Variants in INSC observed in about 807,000 individuals in gnomAD.
The protein encoded by INSC is INSC spindle orientation adaptor protein.
In INSC, 67 loss-of-function variants were observed where a neutral mutation model predicts 58.6. That is an observed-to-expected ratio of 1.14 (90% CI 0.94 to 1.40). INSC has a LOEUF of 1.40. Ranked by LOEUF, INSC falls within the 40% of genes most tolerant of loss-of-function variation. The pLI, the probability that INSC is intolerant of heterozygous loss-of-function variation, is 0.00. For missense variants in INSC, 714 were observed against 692.0 expected, an observed-to-expected ratio of 1.03 and a Z score of -0.36; for synonymous variants, 262 against 276.1, an observed-to-expected ratio of 0.95 and a Z score of 0.51.
rs397971818 is a variant in INSC at position 15,247,039 on chromosome 11, TTA to T, written c.*1000_*1001del. On this transcript the variant is annotated 3_prime_UTR_variant, in exon 13 of 13. Transcript: ENST00000379556. ...AGCACAGCTTTCGCTTTTTTTTTTT[TTA>T]GAGAGAGCTGGTTTACCAATTTCAC... 5.0e-3 allele frequency: 759 copies of T among 152,098 alleles called. 8 individuals are homozygous for T. The highest frequency in any genetic ancestry group is 0.016 in the African/African-American group (671 of 41,460). The allele number at this position is 152,098 out of a possible 1,614,324, so 9.4% of individuals were successfully genotyped here. A position where few individuals can be genotyped will look rare whatever the true frequency, so the allele number is the denominator to read the frequency against.
Position 15,239,025 on chromosome 11 carries a change from T to G in INSC, c.1344T>G (p.Ala448=). 1 of 1,614,154 alleles carries G rather than the reference T, an allele frequency of 6.2e-7. No homozygotes were observed. The highest frequency in any genetic ancestry group is 8.5e-7 in the Non-Finnish European group (1 of 1,180,024). The part of the protein sequence containing the change: ...RVQQKAAVTL[A]RLSRDPDVAR... ...AGCAGAAAGCTGCAGTGACCCTGGC[T>G]CGTCTCAGCCGAGACCCAGATGTGG... Residue 448 remains alanine (A), a synonymous_variant, in exon 11 of 13, where the codon GCT becomes GCG. Coordinates refer to ENST00000379556, the MANE Select transcript of INSC (RefSeq NM_001042536.3).
intron 2 of INSC, among the ~76,000 whole-genome samples, chr11:15,162,245 T>C (rs2133787643): frequency 6.6e-6 from 1 of 152,230 alleles, no homozygotes; most frequent in East Asian, 1.9e-4. Flanking sequence ...TTCTATGAGC[T>C]CCCCTCCTAC....
At chr11:15,119,303 C>T (rs528579830) in intron 1 of INSC, among the ~76,000 whole-genome samples, 3 of 152,288 alleles carry the variant, frequency 2.0e-5, no homozygotes, top group South Asian at 4.2e-4. Flanking sequence ...TTCAACCCCC[C>T]ACCAACATGC....
At chr11:15,148,224 C>A (rs969250896) in intron 1 of INSC, among the ~76,000 whole-genome samples, 2 of 152,136 alleles carry the variant, frequency 1.3e-5, no homozygotes, top group African/African-American at 4.8e-5. Flanking sequence ...AGAATAAAAA[C>A]CCTCACTCAG....
intron 6 of INSC, among the ~76,000 whole-genome samples, chr11:15,192,759 A>T (rs960031994): frequency 6.6e-6 from 1 of 152,170 alleles, no homozygotes; most frequent in African/African-American, 2.4e-5. Flanking sequence ...TATTTTAAAT[A>T]ACCTCCCTTA....
At chr11:15,138,460 G>C (rs1848297061) in intron 1 of INSC, among the ~76,000 whole-genome samples, 3 of 152,220 alleles carry the variant, frequency 2.0e-5, no homozygotes, top group Admixed American at 2.0e-4. Context: ...CTGGGGATTA[G>C]GTTTCAACCT....
chr11:15,116,853 C>A (rs866575157), intron 1 of INSC, among the ~76,000 whole-genome samples: 9 of 40,510 alleles, frequency 2.2e-4, no homozygotes, highest in Non-Finnish European at 3.3e-4. Context: ...TTCTTTCTCT[C>A]TCTCTCTCTC....
chr11:15,268,477 C>T, the INSC span, among the ~76,000 whole-genome samples: 1 of 152,040 alleles, frequency 6.6e-6, no homozygotes, highest in South Asian at 2.1e-4. Flanking sequence ...GGATCATTAA[C>T]TGTTTTCATG....
Position 15,133,484 on chromosome 11 carries a change from C to T in INSC, c.-45-15646C>T, listed in dbSNP as rs145751082. Among the ~76,000 whole-genome samples, 712 of 152,344 alleles carry T rather than the reference C, an allele frequency of 4.7e-3. 6 individuals carry two copies. The highest frequency in any genetic ancestry group is 0.021 in the South Asian group (103 of 4,828). ...ATGTAAATTCAGGCCACAAGCCTAT[C>T]TGAGGCCCATATTGTGGTCATTAAT... On this transcript the variant is annotated intron_variant, in intron 1 of 12. Coordinates refer to ENST00000379556, the MANE Select transcript of INSC (RefSeq NM_001042536.3).
intron 2 of INSC, among the ~76,000 whole-genome samples, chr11:15,173,634 A>C (rs1849476990): frequency 1.3e-5 from 2 of 152,154 alleles, no homozygotes; most frequent in Admixed American, 1.3e-4. Flanking sequence ...ATGTGTTCAC[A>C]TACATATGCA....
intron 6 of INSC, among the ~76,000 whole-genome samples, chr11:15,191,634 C>T (rs1004951318): frequency 1.3e-5 from 2 of 152,148 alleles, no homozygotes; most frequent in Non-Finnish European, 2.9e-5. Context: ...GGCTTAAGCT[C>T]TATCCACATC....
At chr11:15,188,107 G>A in intron 5 of INSC, 1 of 867,012 alleles carries the variant, frequency 1.2e-6, no homozygotes, top group Non-Finnish European at 1.4e-6. Flanking sequence ...GCTGTGCTCA[G>A]TTATAGCTTG....
At chr11:15,265,653 AT>A in the INSC span, among the ~76,000 whole-genome samples, 424 of 151,822 alleles carry the variant, frequency 2.8e-3, no homozygotes, top group Non-Finnish European at 4.5e-3. Context: ...TTGGGCTTTT[AT>A]TGTTTATATT....
At chr11:15,267,605 C>G in the INSC span, among the ~76,000 whole-genome samples, 1 of 151,904 alleles carries the variant, frequency 6.6e-6, no homozygotes. Context: ...AAAAATATAC[C>G]TATCATGTCT....
At chr11:15,190,870 C>T (rs1359055676) in intron 6 of INSC, 56 bp downstream of exon 6, 11 of 1,201,568 alleles carry the variant, frequency 9.2e-6, no homozygotes, top group Non-Finnish European at 1.4e-5. Flanking sequence ...TGAGGAAGCT[C>T]ACTTGTTCAA....
intron 2 of INSC, among the ~76,000 whole-genome samples, chr11:15,171,178 C>A (rs1309990952): frequency 1.3e-5 from 2 of 151,986 alleles, no homozygotes; most frequent in African/African-American, 4.8e-5. Context: ...CCTTTCCAGG[C>A]CAGAGGTAAG....
At chr11:15,129,915 T>A (rs1045412207) in intron 1 of INSC, among the ~76,000 whole-genome samples, 1 of 152,184 alleles carries the variant, frequency 6.6e-6, no homozygotes, top group Non-Finnish European at 1.5e-5. Context: ...CTGTGCCTGG[T>A]GGAACCAGCC....
intron 7 of INSC, among the ~76,000 whole-genome samples, chr11:15,218,144 G>A (rs902708965): frequency 2.0e-5 from 3 of 152,108 alleles, no homozygotes; most frequent in East Asian, 1.9e-4. Flanking sequence ...ACCCATCGAC[G>A]GGAGAATGCA....
Position 15,245,926 on chromosome 11 carries a change from AT to A in INSC, c.1487del (p.Leu496TrpfsTer130). 6.2e-7 allele frequency: 1 copy of A among 1,614,146 alleles called. No homozygotes were observed. The highest frequency in any genetic ancestry group is 1.3e-5 in the African/African-American group (1 of 75,064). On this transcript the variant is annotated frameshift_variant, in exon 13 of 13. Transcript: ENST00000379556. LOFTEE classifies it high-confidence loss of function. ...LVACLAALRR[L>X]AGVCPEGLQD... ...CTTCTCCCCAGGCTGCTCTGCGTAG[AT>A]TGGCTGGGGTCTGCCCTGAAGGCCT... is the stretch of plus-strand genomic sequence containing the variant.
Sources: gnomAD v4.1 joint callset for allele counts (sites outside exome capture counted in the v4.1 genomes callset) on GRCh38, gnomAD v4.1.1 for gene constraint, MANE v1.5 for transcripts, NCBI Gene and HGNC (gene_info 2026-07-23, HGNC 2026-07-21) for gene names.